GRAMD1C: variants seen among roughly 807,000 people sequenced by gnomAD.
GRAMD1C encodes protein Aster-C.
GRAMD1C carries 89 observed loss-of-function variants against 97.8 expected under a neutral mutation model. That is an observed-to-expected ratio of 0.91 (90% CI 0.77 to 1.09). GRAMD1C has a LOEUF of 1.09. Ranked by LOEUF, GRAMD1C falls within the 50% of genes least tolerant of loss-of-function variation. GRAMD1C has a pLI of 0.00. For missense variants in GRAMD1C, 740 were observed against 766.4 expected, an observed-to-expected ratio of 0.97 and a Z score of 0.41; for synonymous variants, 256 against 267.0, an observed-to-expected ratio of 0.96 and a Z score of 0.40.
At position 113,919,625 on chromosome 3, in the gene GRAMD1C, A is replaced by G. The variant is rs147886158; in HGVS notation, c.1090+3787A>G. 2.1e-3 allele frequency: 1,346 copies of G among 632,034 alleles called. 1 individual carries two copies. Among genetic ancestry groups the G allele is most frequent in the Non-Finnish European group, 3.3e-3 (1,149 of 347,660 alleles). The allele number at this position is 632,034 out of a possible 1,614,324, so 39.2% of individuals were successfully genotyped here. ...CTTGAGGTATTTTCTTAAAGTGACA[A>G]TAGTGAGAAGACTGACAGATTTAGT... On this transcript the variant is annotated intron_variant, in intron 10 of 17. Coordinates refer to ENST00000358160, the MANE Select transcript of GRAMD1C (RefSeq NM_017577.5).
At chr3:113,869,145 C>T (rs1440241123) in intron 2 of GRAMD1C, among the ~76,000 whole-genome samples, 1 of 151,912 alleles carries the variant, frequency 6.6e-6, no homozygotes, top group Non-Finnish European at 1.5e-5. Flanking sequence ...GGGAACAGGC[C>T]CAGGAATGAG....
Position 113,942,976 on chromosome 3 carries a change from C to T in GRAMD1C, c.1909-2422C>T, listed in dbSNP as rs116421191. On this transcript the variant is annotated intron_variant, in intron 17 of 17. Transcript: ENST00000358160. The stretch of plus-strand genomic sequence containing the variant: ...GCCTGCTGAGTCATCCATCTGCTTT[C>T]CAGTTTCCAAAGTTGCATTACTGTT... Among the ~76,000 whole-genome samples the T allele has an allele frequency of 8.6e-3, 1,314 of 152,302 alleles. 18 individuals carry two copies. Among genetic ancestry groups the T allele is most frequent in the African/African-American group, 0.03 (1,226 of 41,552 alleles).
intron 2 of GRAMD1C, among the ~76,000 whole-genome samples, chr3:113,851,781 G>A (rs1933918167): frequency 1.3e-5 from 2 of 152,066 alleles, no homozygotes; most frequent in South Asian, 2.1e-4. Flanking sequence ...GCCTCCCAAA[G>A]TGCTGGGATT....
chr3:113,839,864 G>C (rs1382191234), intron 1 of GRAMD1C, among the ~76,000 whole-genome samples: 2 of 152,246 alleles, frequency 1.3e-5, no homozygotes, highest in Non-Finnish European at 2.9e-5. Context: ...CAGCTAATAA[G>C]TCAGAGAGAC....
intron 2 of GRAMD1C, chr3:113,850,365 T>C: frequency 1.3e-6 from 1 of 786,612 alleles, no homozygotes; most frequent in Non-Finnish European, 2.3e-6. Flanking sequence ...TAGGTATCTC[T>C]GTCGGCTTCC....
At chr3:113,900,054 G>A (rs1445888103) in intron 6 of GRAMD1C, among the ~76,000 whole-genome samples, 2 of 152,090 alleles carry the variant, frequency 1.3e-5, no homozygotes. Flanking sequence ...TGGTTAGATT[G>A]CAGAACTAAA....
chr3:113,883,466 G>C (rs937371374), intron 6 of GRAMD1C, among the ~76,000 whole-genome samples: 1 of 151,652 alleles, frequency 6.6e-6, no homozygotes, highest in African/African-American at 2.4e-5. Context: ...TCGAGGCTGC[G>C]GTGAGCCATT....
rs1450837864 is a variant in GRAMD1C at position 113,934,471 on chromosome 3, C to T, written c.1392C>T (p.Gly464=). ...TGAAATACAGAAAACAGCCATGGGGCCTTGTCAAATCTTTAATTGAAAAGA... is the reference window on the plus strand; with the variant it reads ...TGAAATACAGAAAACAGCCATGGGGTCTTGTCAAATCTTTAATTGAAAAGA... ...TDLKYRKQPW[G]LVKSLIEKNS... is the part of the protein sequence containing the mutation. Residue 464 remains glycine (G), a synonymous_variant, in exon 13 of 18, where the codon GGC becomes GGT. Transcript: ENST00000358160. 6.3e-7 allele frequency: 1 copy of T among 1,582,058 alleles called. No homozygotes were observed. Among genetic ancestry groups the T allele is most frequent in the Non-Finnish European group, 8.6e-7 (1 of 1,156,740 alleles).
At chr3:113,899,008 C>T (rs1036884161) in intron 6 of GRAMD1C, among the ~76,000 whole-genome samples, 1 of 151,386 alleles carries the variant, frequency 6.6e-6, no homozygotes, top group Non-Finnish European at 1.5e-5. Context: ...AACAAAGATG[C>T]CATAGTTACT....
intron 13 of GRAMD1C, among the ~76,000 whole-genome samples, 199 bp downstream of exon 13, chr3:113,934,734 CTTATTTTTT>C (rs1937544266): frequency 6.6e-6 from 1 of 152,052 alleles, no homozygotes; most frequent in Admixed American, 6.6e-5. Flanking sequence ...CAAACAAACA[CTTATTTTTT>C]TTATTTTTTA....
At chr3:113,861,961 G>A (rs144294286) in intron 2 of GRAMD1C, among the ~76,000 whole-genome samples, 2,363 of 152,244 alleles carry the variant, frequency 0.016, 65 homozygotes, top group African/African-American at 0.054. Flanking sequence ...CCCTCGAGCC[G>A]TAAAACCAGC....
chr3:113,886,959 T>C (rs1935513344), intron 6 of GRAMD1C, among the ~76,000 whole-genome samples: 1 of 151,486 alleles, frequency 6.6e-6, no homozygotes, highest in African/African-American at 2.4e-5. Flanking sequence ...TTTTTGTATT[T>C]TTAGTAGAGA....
intron 10 of GRAMD1C, among the ~76,000 whole-genome samples, chr3:113,928,144 G>A (rs531852695): frequency 4.6e-5 from 7 of 152,194 alleles, no homozygotes; most frequent in South Asian, 2.1e-4. Context: ...CAGAGGGGCC[G>A]CTGCCCAGCT....
intron 17 of GRAMD1C, among the ~76,000 whole-genome samples, chr3:113,940,775 G>T (rs1372954683): frequency 6.6e-6 from 1 of 152,144 alleles, no homozygotes; most frequent in Non-Finnish European, 1.5e-5. Context: ...TTCCATCTCA[G>T]TATATAAAGC....
chr3:113,874,322 TG>T (rs1418634229), intron 3 of GRAMD1C, among the ~76,000 whole-genome samples: 1 of 152,140 alleles, frequency 6.6e-6, no homozygotes, highest in Non-Finnish European at 1.5e-5. Context: ...CAGGCAGACT[TG>T]ATTTTGCTGG....
At position 113,911,339 on chromosome 3, in the gene GRAMD1C, G is replaced by A. The variant is rs140497490; in HGVS notation, c.952+2219G>A. On this transcript the variant is annotated intron_variant, in intron 9 of 17. Transcript: ENST00000358160. ...CAATCTCTGCCTCCCGAGTTCAAGCGATTCTTGTGCCTCACCCTCTGGAAC... is the reference window on the plus strand; with the variant it reads ...CAATCTCTGCCTCCCGAGTTCAAGCAATTCTTGTGCCTCACCCTCTGGAAC... 1.1e-3 allele frequency among the ~76,000 whole-genome samples: 162 copies of A among 151,440 alleles called. 2 individuals are homozygous for A. The highest frequency in any genetic ancestry group is 7.8e-4 in the East Asian group (4 of 5,130).
intron 2 of GRAMD1C, among the ~76,000 whole-genome samples, chr3:113,855,936 T>G (rs1934108823): frequency 1.3e-5 from 2 of 151,962 alleles, no homozygotes; most frequent in South Asian, 4.2e-4. Flanking sequence ...TCACCCTGAC[T>G]GGAGTGCAGT....
At chr3:113,905,537 C>G (rs1936339723) in intron 8 of GRAMD1C, among the ~76,000 whole-genome samples, 1 of 152,166 alleles carries the variant, frequency 6.6e-6, no homozygotes, top group Non-Finnish European at 1.5e-5. Flanking sequence ...AAGTTAATTA[C>G]TTAACCTTTT....
intron 8 of GRAMD1C, among the ~76,000 whole-genome samples, chr3:113,905,451 G>A (rs1296729630): frequency 2.6e-5 from 4 of 152,172 alleles, no homozygotes; most frequent in Non-Finnish European, 4.4e-5. Flanking sequence ...ATGCAAGTTT[G>A]GGGGCAGAGC....
Sources: gnomAD v4.1 joint callset for allele counts (sites outside exome capture counted in the v4.1 genomes callset) on GRCh38, gnomAD v4.1.1 for gene constraint, MANE v1.5 for transcripts, NCBI Gene and HGNC (gene_info 2026-07-23, HGNC 2026-07-21) for gene names.